The following EEIG1 variants were observed in gnomAD, a reference collection of about 807,000 sequenced individuals.
EEIG1 encodes the protein estrogen-induced osteoclastogenesis regulator 1.
chr9:127,943,271 C>T, the EEIG1 span: 46 of 1,609,640 alleles, frequency 2.9e-5, no homozygotes, highest in East Asian at 4.5e-5. Flanking sequence ...ATGTCCCCCT[C>T]GATACCCCAT....
chr9:127,968,185 A>G, the EEIG1 span, among the ~76,000 whole-genome samples: 1 of 151,732 alleles, frequency 6.6e-6, no homozygotes, highest in South Asian at 2.1e-4. Flanking sequence ...TGCCTGAGCC[A>G]CTCCTGGCTG....
chr9:127,956,129 G>A, the EEIG1 span, among the ~76,000 whole-genome samples: 3 of 152,184 alleles, frequency 2.0e-5, no homozygotes, highest in South Asian at 6.2e-4. Flanking sequence ...ACAGGAGTGG[G>A]GGCCCTAGGC....
At chr9:127,950,410 G>A in the EEIG1 span, 1 of 1,613,144 alleles carries the variant, frequency 6.2e-7, no homozygotes, top group Non-Finnish European at 8.5e-7. Flanking sequence ...AGAGGTGGCA[G>A]GATCCCTGGT....
At chr9:127,980,314 G>A in the EEIG1 span, 1 of 607,538 alleles carries the variant, frequency 1.6e-6, no homozygotes, top group Non-Finnish European at 2.8e-6. Context: ...CACCAGTCCA[G>A]TTCGCGGGCC....
At chr9:127,952,525 G>T in the EEIG1 span, among the ~76,000 whole-genome samples, 2 of 152,206 alleles carry the variant, frequency 1.3e-5, no homozygotes, top group African/African-American at 4.8e-5. Flanking sequence ...ACTATGTAGG[G>T]CTGAACTGTC....
chr9:127,950,353 A>G, the EEIG1 span: 2 of 1,501,168 alleles, frequency 1.3e-6, no homozygotes, highest in Middle Eastern at 1.7e-4. Flanking sequence ...CCTCCAGAGG[A>G]TTCTGATGAG....
the EEIG1 span, among the ~76,000 whole-genome samples, chr9:127,980,986 G>A: frequency 1.3e-5 from 2 of 149,302 alleles, no homozygotes; most frequent in African/African-American, 4.9e-5. Context: ...GCCGCTTGGA[G>A]AATGCCTGGG....
chr9:127,955,796 G>T, the EEIG1 span, among the ~76,000 whole-genome samples: 1 of 152,226 alleles, frequency 6.6e-6, no homozygotes, highest in Admixed American at 6.5e-5. Flanking sequence ...GCTCCACAAG[G>T]CTTTGAGGAT....
At chr9:127,945,384 C>A in the EEIG1 span, 1 of 1,587,050 alleles carries the variant, frequency 6.3e-7, no homozygotes, top group Non-Finnish European at 8.6e-7. The surrounding 1 kb of genome is among the most constrained non-coding windows in gnomAD (Gnocchi z 6.5). Flanking sequence ...AGCGATCGGA[C>A]AGATGCAGGG....
chr9:127,946,533 G>T, the EEIG1 span, among the ~76,000 whole-genome samples: 30 of 152,186 alleles, frequency 2.0e-4, 1 homozygote, highest in Non-Finnish European at 2.9e-5. Flanking sequence ...CATATGGGGG[G>T]AGGCCAGCTC....
chr9:127,965,049 C>T, the EEIG1 span, among the ~76,000 whole-genome samples: 2 of 141,394 alleles, frequency 1.4e-5, no homozygotes, highest in Admixed American at 7.4e-5. Context: ...GCGGAGGTTG[C>T]AGTGAGCCAA....
the EEIG1 span, among the ~76,000 whole-genome samples, chr9:127,959,091 T>A: frequency 0.013 from 1,936 of 152,322 alleles, 120 homozygotes; most frequent in East Asian, 0.2. Context: ...GAAAACAGTA[T>A]GGCAATTCCC....
the EEIG1 span, among the ~76,000 whole-genome samples, chr9:127,963,396 G>T: frequency 6.6e-6 from 1 of 152,364 alleles, no homozygotes; most frequent in African/African-American, 2.4e-5. Flanking sequence ...GTTGCAGGGC[G>T]TGCTTCCCCC....
the EEIG1 span, among the ~76,000 whole-genome samples, chr9:127,980,837 G>A: frequency 6.7e-6 from 1 of 149,458 alleles, no homozygotes; most frequent in Non-Finnish European, 1.5e-5. Context: ...CTCGATCCTG[G>A]GACCCGCGCC....
chr9:127,950,570 TGAGG>T, the EEIG1 span: 1 of 1,605,904 alleles, frequency 6.2e-7, no homozygotes, highest in Non-Finnish European at 8.5e-7. Context: ...GTGGGAGGGC[TGAGG>T]GAGTGTGGGC....
chr9:127,953,832 G>GGGT, the EEIG1 span: 3 of 1,614,012 alleles, frequency 1.9e-6, no homozygotes, highest in Non-Finnish European at 2.5e-6. Context: ...GGAAGACACA[G>GGGT]GGGTCCAGCA....
the EEIG1 span, chr9:127,950,436 T>C: frequency 6.2e-7 from 1 of 1,613,706 alleles, no homozygotes; most frequent in Non-Finnish European, 8.5e-7. Flanking sequence ...AAGGATGGAG[T>C]TGTCCTGGCG....
the EEIG1 span, among the ~76,000 whole-genome samples, chr9:127,947,753 A>G: frequency 6.6e-5 from 10 of 151,994 alleles, no homozygotes; most frequent in Non-Finnish European, 1.2e-4. Flanking sequence ...TGTCTTCCCC[A>G]GCTTTTATCC....
the EEIG1 span, among the ~76,000 whole-genome samples, chr9:127,964,151 C>A: frequency 3.3e-5 from 5 of 152,136 alleles, no homozygotes; most frequent in African/African-American, 1.2e-4. Context: ...CTCGGGGAGC[C>A]CCATCTTGGT....
Sources: gnomAD v4.1 joint callset for allele counts (sites outside exome capture counted in the v4.1 genomes callset) on GRCh38, gnomAD v4.1.1 for gene constraint, Gnocchi (gnomAD v3.1) non-coding constraint, MANE v1.5 for transcripts, NCBI Gene and HGNC (gene_info 2026-07-23, HGNC 2026-07-21) for gene names.